Variants in CCNY observed in about 807,000 individuals in gnomAD.
CCNY encodes the protein cyclin-Y.
CCNY carries 19 observed loss-of-function variants against 42.8 expected under a neutral mutation model. The ratio of observed to expected loss-of-function variants is 0.44; its 90% CI spans 0.31 to 0.65. The LOEUF (loss-of-function observed/expected upper bound fraction) is 0.65. Ranked by LOEUF, CCNY falls within the 30% of genes least tolerant of loss-of-function variation. The pLI, the probability that CCNY is intolerant of heterozygous loss-of-function variation, is 0.07. For synonymous variants in CCNY, 165 were observed against 162.7 expected, an observed-to-expected ratio of 1.01 and a Z score of -0.11; for missense variants, 370 against 437.3, an observed-to-expected ratio of 0.85 and a Z score of 1.37.
At chr10:35,340,208 C>G (rs1836145634) in intron 1 of CCNY, among the ~76,000 whole-genome samples, 2 of 152,154 alleles carry the variant, frequency 1.3e-5, no homozygotes, top group South Asian at 4.1e-4. Context: ...TGGAAACTTT[C>G]CATTGTTGCT....
chr10:35,427,740 A>G (rs1174184425), intron 1 of CCNY, among the ~76,000 whole-genome samples: 1 of 152,268 alleles, frequency 6.6e-6, no homozygotes, highest in East Asian at 1.9e-4. Context: ...TTTCCAAAAC[A>G]AAGTACAATG....
At position 35,454,355 on chromosome 10, in the gene CCNY, G is replaced by A. The variant is rs542574749; in HGVS notation, c.155-29049G>A. Among the ~76,000 whole-genome samples the A allele has an allele frequency of 2.0e-5, 3 of 152,348 alleles. No individual in the cohort carries two copies. In the South Asian group the frequency reaches 6.2e-4, roughly 32 times the overall value. ...GCACATGATCTGCAGGAAAGACTCC[G>A]CCGTAGCGGTTCAGCGCAGGTTTAC... On this transcript the variant is annotated intron_variant, in intron 1 of 9. Coordinates refer to ENST00000374704, the MANE Select transcript of CCNY (RefSeq NM_145012.6).
rs190191930 is a variant in CCNY, at chr10:35,518,708, T to G, written c.365+2085T>G. 2.7e-4 allele frequency among the ~76,000 whole-genome samples: 38 copies of G among 142,316 alleles called. 1 individual carries two copies. The East Asian group carries it at 4.5e-3, about 17-fold the overall frequency. The allele number at this position is 142,316 out of a possible 152,430, so 93.4% of individuals were successfully genotyped here. ...AGGTATACTGTGGGTATCTGGATTT[T>G]TAACAGCTCTTGATTGAATCTGGCT... On this transcript the variant is annotated intron_variant, in intron 4 of 9. Transcript: ENST00000374704.
At chr10:35,545,717 A>G (rs1206322616) in intron 7 of CCNY, among the ~76,000 whole-genome samples, 2 of 152,164 alleles carry the variant, frequency 1.3e-5, no homozygotes, top group African/African-American at 4.8e-5. Context: ...ATCGTGTAAG[A>G]TTTGTATTAA....
At chr10:35,526,213 C>T (rs1178615453) in intron 5 of CCNY, among the ~76,000 whole-genome samples, 1 of 152,180 alleles carries the variant, frequency 6.6e-6, no homozygotes, top group Non-Finnish European at 1.5e-5. Flanking sequence ...TGGTTGAAAC[C>T]AGCAAAACAG....
At chr10:35,439,589 CTTA>C (rs1040236840) in intron 1 of CCNY, among the ~76,000 whole-genome samples, 6 of 150,728 alleles carry the variant, frequency 4.0e-5, no homozygotes, top group African/African-American at 1.2e-4. Context: ...ATTGAAGAGT[CTTA>C]TTATGGCTGC....
chr10:35,559,607 GC>G (rs375841495), intron 8 of CCNY, among the ~76,000 whole-genome samples: 1 of 152,378 alleles, frequency 6.6e-6, no homozygotes, highest in East Asian at 1.9e-4. Context: ...GATCCAGTCA[GC>G]CAGCCATCTC....
chr10:35,410,561 A>C (rs1410954053), intron 1 of CCNY, among the ~76,000 whole-genome samples: 1 of 152,230 alleles, frequency 6.6e-6, no homozygotes, highest in Non-Finnish European at 1.5e-5. Flanking sequence ...GTTTCTGTGC[A>C]CTGTGGATTG....
chr10:35,395,518 A>T (rs549602488), intron 1 of CCNY, among the ~76,000 whole-genome samples: 2 of 152,126 alleles, frequency 1.3e-5, no homozygotes, highest in Non-Finnish European at 2.9e-5. Flanking sequence ...CAGGAGAATC[A>T]GATGTCACCT....
intron 3 of CCNY, among the ~76,000 whole-genome samples, chr10:35,300,742 T>A (rs1181444659): frequency 6.6e-6 from 1 of 152,204 alleles, no homozygotes; most frequent in Non-Finnish European, 1.5e-5. Context: ...ATGCTGTTTG[T>A]TAAGACTTCT....
At chr10:35,423,065 C>T (rs535986293) in intron 1 of CCNY, among the ~76,000 whole-genome samples, 52 of 152,268 alleles carry the variant, frequency 3.4e-4, no homozygotes, top group Middle Eastern at 6.8e-3. Context: ...CTGAACTCTC[C>T]ACCTCCCCAG....
intron 3 of CCNY, among the ~76,000 whole-genome samples, chr10:35,326,765 G>A (rs926106251): frequency 6.6e-6 from 1 of 152,086 alleles, no homozygotes; most frequent in African/African-American, 2.4e-5. Flanking sequence ...GGTGCATACC[G>A]GTAGTCCCAG....
At chr10:35,288,718 C>T (rs1204485996) in intron 3 of CCNY, among the ~76,000 whole-genome samples, 1 of 152,134 alleles carries the variant, frequency 6.6e-6, no homozygotes, top group African/African-American at 2.4e-5. Flanking sequence ...TGTGCCACAA[C>T]CATTTGTTAG....
intron 1 of CCNY, among the ~76,000 whole-genome samples, chr10:35,369,953 A>G (rs1836891684): frequency 6.6e-6 from 1 of 152,194 alleles, no homozygotes; most frequent in Non-Finnish European, 1.5e-5. Flanking sequence ...AATTACCTGG[A>G]TGACTATTTA....
chr10:35,544,015 T>G (rs914393739), intron 7 of CCNY, among the ~76,000 whole-genome samples: 2 of 152,278 alleles, frequency 1.3e-5, no homozygotes, highest in African/African-American at 4.8e-5. Context: ...ATGTATGTTT[T>G]TACCTAAGTG....
chr10:35,406,446 G>A lies in CCNY; in HGVS notation c.154+69239G>A, dbSNP rs188278243. Among the ~76,000 whole-genome samples, 538 of 151,904 alleles carry A rather than the reference G, an allele frequency of 3.5e-3. 5 individuals carry two copies. Among genetic ancestry groups the A allele is most frequent in the African/African-American group, 0.012 (510 of 41,412 alleles). ...GGTGATGACTCTCAACGAGCATGCT[G>A]CCTTCAAGCGTCTGTTTAACAAAGC... On this transcript the variant is annotated intron_variant, in intron 1 of 9. Transcript: ENST00000374704.
At chr10:35,249,912 T>TGGCCGGGTGC (rs958056053) in intron 2 of CCNY, among the ~76,000 whole-genome samples, 4 of 151,700 alleles carry the variant, frequency 2.6e-5, no homozygotes, top group African/African-American at 9.7e-5. Flanking sequence ...TAGCCGGGTG[T>TGGCCGGGTGC]GGCCGGGTGC....
At chr10:35,529,843 C>G in intron 5 of CCNY, 130 bp from the exon 6 acceptor site, 1 of 807,512 alleles carries the variant, frequency 1.2e-6, no homozygotes. Context: ...GCACTCCAGC[C>G]TGGGCAACAG....
intron 3 of CCNY, among the ~76,000 whole-genome samples, chr10:35,505,640 C>T (rs1474788844): frequency 6.6e-6 from 1 of 152,150 alleles, no homozygotes; most frequent in African/African-American, 2.4e-5. Flanking sequence ...TAGGGTGGGT[C>T]ATAATTCCAG....
Sources: allele counts gnomAD v4.1 joint callset (sites outside exome capture counted in the v4.1 genomes callset), GRCh38; gene constraint gnomAD v4.1.1; transcripts MANE v1.5; gene names NCBI Gene and HGNC (gene_info 2026-07-23, HGNC 2026-07-21).